Variants in TENT5D observed in about 807,000 individuals in gnomAD.
The protein encoded by TENT5D is cancer/testis antigen 112.
For synonymous variants in TENT5D, 103 were observed against 100.6 expected (o/e 1.02, Z -0.15); for missense variants, 191 against 287.0 (o/e 0.67, Z 2.42).
At chrX:80,348,154 T>G (rs1256577452) in intron 3 of TENT5D, among the ~76,000 whole-genome samples, 1 of 112,111 alleles carries the variant, frequency 8.9e-6, no homozygotes, top group Non-Finnish European at 1.9e-5. Flanking sequence ...GTCTTGGCTC[T>G]TTTTTGGTTC....
At chrX:80,408,907 A>C (rs1931567734) in intron 3 of TENT5D, among the ~76,000 whole-genome samples, 1 of 110,399 alleles carries the variant, frequency 9.1e-6, no homozygotes, top group Admixed American at 9.7e-5. Context: ...ACCATGATCA[A>C]GTGGGCTTCA....
At chrX:80,367,316 T>C in intron 3 of TENT5D, among the ~76,000 whole-genome samples, 1 of 111,662 alleles carries the variant, frequency 9.0e-6, no homozygotes, top group Non-Finnish European at 1.9e-5. Flanking sequence ...CCAGTTAAAA[T>C]GGCCGTTATC....
intron 3 of TENT5D, among the ~76,000 whole-genome samples, chrX:80,368,216 A>G (rs971584696): frequency 1.8e-5 from 2 of 111,745 alleles, no homozygotes; most frequent in South Asian, 3.7e-4. Context: ...TTCTCTGTAC[A>G]TATTCCCTGG....
At chrX:80,400,102 G>A (rs1931364619) in intron 3 of TENT5D, among the ~76,000 whole-genome samples, 1 of 111,284 alleles carries the variant, frequency 9.0e-6, no homozygotes, top group Non-Finnish European at 1.9e-5. Flanking sequence ...CAGAACCAGG[G>A]AAGCTAGCTG....
At chrX:80,426,626 T>C (rs73223486) in intron 1 of TENT5D, among the ~76,000 whole-genome samples, 14,676 of 111,849 alleles carry the variant, frequency 0.13, 1,032 homozygotes, top group East Asian at 0.48. Context: ...GTTTTCATGG[T>C]AAGATTAATT....
chrX:80,381,510 C>T (rs1410091018), intron 3 of TENT5D, among the ~76,000 whole-genome samples: 1 of 111,842 alleles, frequency 8.9e-6, no homozygotes, highest in East Asian at 2.8e-4. Context: ...ACCTGCCTTG[C>T]TAGGTTGGGG....
chrX:80,341,933 G>T (rs1056300898), intron 2 of TENT5D, among the ~76,000 whole-genome samples: 1 of 107,750 alleles, frequency 9.3e-6, no homozygotes. Flanking sequence ...GGATGGTCTC[G>T]ATCTCCTGAC....
At chrX:80,407,894 AAACT>A (rs1443659421) in intron 3 of TENT5D, among the ~76,000 whole-genome samples, 1 of 110,536 alleles carries the variant, frequency 9.0e-6, no homozygotes, top group Non-Finnish European at 1.9e-5. Context: ...AAATTATAAC[AAACT>A]ATCTCTCAGA....
At chrX:80,377,625 C>T (rs1481732927) in intron 3 of TENT5D, among the ~76,000 whole-genome samples, 1 of 112,071 alleles carries the variant, frequency 8.9e-6, no homozygotes, top group African/African-American at 3.2e-5. Context: ...TTTCTTAATC[C>T]AGTCTATCAT....
intron 3 of TENT5D, among the ~76,000 whole-genome samples, chrX:80,344,903 A>G (rs1376004905): frequency 8.9e-6 from 1 of 111,802 alleles, no homozygotes; most frequent in Non-Finnish European, 1.9e-5. Flanking sequence ...AACCCATGTT[A>G]GTTTCCAGTG....
chrX:80,354,168 T>G (rs1041671390), intron 3 of TENT5D, among the ~76,000 whole-genome samples: 32 of 111,705 alleles, frequency 2.9e-4, no homozygotes, highest in Non-Finnish European at 5.6e-4. Context: ...TTGGAGAATC[T>G]AATGACTATG....
chrX:80,420,138 A>G (rs1033245903), upstream of TENT5D, among the ~76,000 whole-genome samples: 1 of 112,003 alleles, frequency 8.9e-6, no homozygotes, highest in African/African-American at 3.2e-5. Flanking sequence ...TTGAAGTTAC[A>G]TGTAGGCAGT....
intron 1 of TENT5D, among the ~76,000 whole-genome samples, chrX:80,421,962 G>A (rs1222707249): frequency 2.7e-5 from 3 of 111,229 alleles, no homozygotes; most frequent in African/African-American, 9.8e-5. Context: ...AAAAAAAGTG[G>A]AGGTTACTGA....
At chrX:80,357,353 G>A (rs768638866) in intron 3 of TENT5D, among the ~76,000 whole-genome samples, 1 of 108,519 alleles carries the variant, frequency 9.2e-6, no homozygotes, top group African/African-American at 3.4e-5. Flanking sequence ...TTCCACAATG[G>A]TTGAACTAGT....
chrX:80,368,911 C>CT (rs1309802417), intron 3 of TENT5D, among the ~76,000 whole-genome samples: 6 of 111,182 alleles, frequency 5.4e-5, no homozygotes, highest in Admixed American at 4.8e-4. Flanking sequence ...TTATATCAAC[C>CT]TTTTTTTTCT....
At chrX:80,405,184 A>G (rs1931459380) in intron 3 of TENT5D, among the ~76,000 whole-genome samples, 1 of 112,842 alleles carries the variant, frequency 8.9e-6, no homozygotes, top group Non-Finnish European at 1.9e-5. Context: ...CTTTGAGTTT[A>G]TAAAGAATTA....
chrX:80,356,178 T>C (rs957852562), intron 3 of TENT5D, among the ~76,000 whole-genome samples: 7 of 112,517 alleles, frequency 6.2e-5, no homozygotes, highest in African/African-American at 2.3e-4. Flanking sequence ...TGCAAATGTT[T>C]GAGGGGTAAG....
rs143610675 is a variant in TENT5D at position 80,442,929 on chromosome X, C to T, written c.390C>T (p.Tyr130=). 1,116 of 1,209,589 alleles carry T rather than the reference C, an allele frequency of 9.2e-4. 11 individuals are homozygous for T. The highest frequency in any genetic ancestry group is 1.4e-3 in the Middle Eastern group (6 of 4,370). Residue 130 remains tyrosine, a synonymous_variant, in exon 3 of 3, where the codon TAC becomes TAT. Transcript: ENST00000308293. ...CCCCAGATATCATGAAAGACGCTTA[C>T]GTACAGAAATTGGTCAAGGTTTGCA...
At chrX:80,387,762 C>T (rs998876833) in intron 3 of TENT5D, among the ~76,000 whole-genome samples, 1 of 111,510 alleles carries the variant, frequency 9.0e-6, no homozygotes, top group Admixed American at 9.5e-5. Flanking sequence ...TATGTTTTCT[C>T]AAGGCCTTAG....
Sources: allele counts gnomAD v4.1 joint callset (sites outside exome capture counted in the v4.1 genomes callset), GRCh38; gene constraint gnomAD v4.1.1; transcripts MANE v1.5; gene names NCBI Gene and HGNC (gene_info 2026-07-23, HGNC 2026-07-21).